MROH1: variants seen among roughly 807,000 people sequenced by gnomAD.
MROH1 encodes maestro heat like repeat family member 1, also known as maestro heat-like repeat-containing protein family member 1.
A neutral mutation model predicts 116.5 loss-of-function variants in MROH1; 117 were observed. That is an observed-to-expected ratio of 1.00 (90% CI 0.86 to 1.17). The LOEUF (loss-of-function observed/expected upper bound fraction) is 1.17. Among genes scored for constraint, MROH1 ranks in the 50% most tolerant of loss-of-function variants. MROH1 has a pLI of 0.00. For synonymous variants in MROH1, 921 were observed against 583.9 expected (o/e 1.58, Z -8.32); for missense variants, 1,873 against 1,338.5 (o/e 1.40, Z -6.23).
intron 33 of MROH1, among the ~76,000 whole-genome samples, chr8:144,253,073 GA>G (rs1363096367): frequency 6.6e-6 from 1 of 151,586 alleles, no homozygotes; most frequent in African/African-American, 2.4e-5. Flanking sequence ...AGAATCGCTT[GA>G]ACCTGGGAGG....
At position 144,253,555 on chromosome 8, in the gene MROH1, G is replaced by A. The variant is rs969221867; in HGVS notation, c.3429-1258G>A. On this transcript the variant is annotated intron_variant, in intron 33 of 43. Transcript: ENST00000326134. ...TCCTGGCGCCTCAGCGACGGCCACC[G>A]CGTCCTTGCTGGCGCGTGCTGTGTG... Among the ~76,000 whole-genome samples the A allele has an allele frequency of 1.3e-4, 20 of 152,318 alleles. No homozygotes were observed. The South Asian group carries it at 2.7e-3, about 21-fold the overall frequency.
intron 4 of MROH1, among the ~76,000 whole-genome samples, chr8:144,172,322 A>T (rs931633312): frequency 6.6e-6 from 1 of 152,102 alleles, no homozygotes; most frequent in Non-Finnish European, 1.5e-5. Context: ...CATCTACGTA[A>T]CAAGAACCTT....
intron 1 of MROH1, chr8:144,148,971 T>C (rs1816083969): frequency 6.6e-6 from 1 of 152,228 alleles, no homozygotes; most frequent in Non-Finnish European, 1.5e-5. Context: ...AGGGACCACT[T>C]TGGAAGGGGA....
chr8:144,210,169 T>C (rs1185437279), intron 12 of MROH1, among the ~76,000 whole-genome samples: 1 of 152,156 alleles, frequency 6.6e-6, no homozygotes, highest in Non-Finnish European at 1.5e-5. Context: ...CCGGGTGCGG[T>C]GGCTCACACC....
At chr8:144,202,668 G>A (rs534082467) in intron 12 of MROH1, among the ~76,000 whole-genome samples, 222 of 130,570 alleles carry the variant, frequency 1.7e-3, no homozygotes, top group African/African-American at 6.2e-3. Flanking sequence ...CGGGGAGGGG[G>A]AGCACCCGCT....
At chr8:144,157,028 T>C (rs1818323580) in intron 1 of MROH1, among the ~76,000 whole-genome samples, 1 of 152,096 alleles carries the variant, frequency 6.6e-6, no homozygotes, top group Non-Finnish European at 1.5e-5. Context: ...TGATCTCGGC[T>C]CACTGCAACC....
At position 144,256,441 on chromosome 8, in the gene MROH1, G is replaced by A. The variant is rs899066505; in HGVS notation, c.3791+736G>A. ...GCCAGGACACACCAGGGGGACAGCC[G>A]CACTTCAGCCCCCTCCCCCTGCCCC... On this transcript the variant is annotated intron_variant, in intron 35 of 43. Transcript: ENST00000326134. Among the ~76,000 whole-genome samples, 445 of 144,816 alleles carry A rather than the reference G, an allele frequency of 3.1e-3. 3 individuals are homozygous for A. The highest frequency in any genetic ancestry group is 0.011 in the Middle Eastern group (3 of 284).
chr8:144,195,233 GGCTC>G (rs1375632080), intron 10 of MROH1, among the ~76,000 whole-genome samples: 1 of 68,602 alleles, frequency 1.5e-5, no homozygotes, highest in African/African-American at 4.2e-5. Flanking sequence ...CGAGTGCCAT[GGCTC>G]ATGCCTGTAA....
At position 144,258,925 on chromosome 8, in the gene MROH1, C is replaced by A; in HGVS notation, c.3929+11C>A. 1 of 732,654 alleles carries A rather than the reference C, an allele frequency of 1.4e-6. No homozygotes were observed. The highest frequency in any genetic ancestry group is 2.5e-6 in the Non-Finnish European group (1 of 394,598). The allele number at this position is 732,654 out of a possible 1,614,324, so 45.4% of individuals were successfully genotyped here. A position where few individuals can be genotyped will look rare whatever the true frequency, so the allele number is the denominator to read the frequency against. ...CACCAGGTTGGCCAGGTGAGCGGGCCCAGCCCACTGCAGCTCCAGCACTGG... is the reference window on the plus strand; with the variant it reads ...CACCAGGTTGGCCAGGTGAGCGGGCACAGCCCACTGCAGCTCCAGCACTGG... On this transcript the variant is annotated intron_variant, in intron 36 of 43. Coordinates refer to ENST00000326134, the MANE Select transcript of MROH1 (RefSeq NM_032450.3).
At position 144,182,694 on chromosome 8, in the gene MROH1, C is replaced by A. The variant is rs1226806445; in HGVS notation, c.562+2171C>A. 6.6e-6 allele frequency among the ~76,000 whole-genome samples: 1 copy of A among 152,124 alleles called. No individual in the cohort carries two copies. Among genetic ancestry groups the A allele is most frequent in the African/African-American group, 2.4e-5 (1 of 41,426 alleles). On this transcript the variant is annotated intron_variant, in intron 7 of 43. Coordinates refer to ENST00000326134, the MANE Select transcript of MROH1 (RefSeq NM_032450.3). This position sits in a 1 kb window ranked among gnomAD's most constrained non-coding sequence, Gnocchi z 4.1. ...AGTAGGAGAGAAAGAGAAGAATGAA[C>A]TAGCAGGCTGAACCCTGAAGCCAGC...
At position 144,182,057 on chromosome 8, in the gene MROH1, C is replaced by T. The variant is rs1825851310; in HGVS notation, c.562+1534C>T. On this transcript the variant is annotated intron_variant, in intron 7 of 43. Transcript: ENST00000326134. This position sits in a 1 kb window ranked among gnomAD's most constrained non-coding sequence, Gnocchi z 4.1. ...CCTCCTCGTGTGGGACGTGTGCTCC[C>T]CACCACAAATGGAACGTTCCCTGTT... 6.6e-6 allele frequency among the ~76,000 whole-genome samples: 1 copy of T among 152,238 alleles called. No homozygotes were observed. Among genetic ancestry groups the T allele is most frequent in the Admixed American group, 6.5e-5 (1 of 15,280 alleles).
chr8:144,209,044 T>C (rs1452686888), intron 12 of MROH1, among the ~76,000 whole-genome samples: 1 of 55,720 alleles, frequency 1.8e-5, no homozygotes, highest in East Asian at 2.1e-3. Flanking sequence ...TGTGTGTGTG[T>C]GTGTGTGTGT....
At chr8:144,155,664 G>C (rs1466200679) in intron 1 of MROH1, among the ~76,000 whole-genome samples, 2 of 146,120 alleles carry the variant, frequency 1.4e-5, no homozygotes, top group African/African-American at 5.1e-5. Context: ...TTTTGAGATG[G>C]AGTCTTGCTT....
intron 1 of MROH1, among the ~76,000 whole-genome samples, chr8:144,148,329 C>T (rs1437326071): frequency 6.6e-6 from 1 of 152,156 alleles, no homozygotes; most frequent in Non-Finnish European, 1.5e-5. Context: ...CTCTGCGCCG[C>T]TAAGTCGTCT....
intron 1 of MROH1, among the ~76,000 whole-genome samples, chr8:144,160,013 C>T (rs1186890604): frequency 6.6e-6 from 1 of 152,132 alleles, no homozygotes; most frequent in Non-Finnish European, 1.5e-5. Flanking sequence ...TCATGATCCA[C>T]CCGCCTCGGC....
chr8:144,208,005 G>T (rs1486219894), intron 12 of MROH1, among the ~76,000 whole-genome samples: 1 of 151,110 alleles, frequency 6.6e-6, no homozygotes, highest in Admixed American at 6.6e-5. Context: ...GAGTGCAGTG[G>T]TGCGATCTCA....
chr8:144,258,177 G>A (rs1198155919), intron 35 of MROH1, among the ~76,000 whole-genome samples: 13 of 152,220 alleles, frequency 8.5e-5, no homozygotes, highest in African/African-American at 2.7e-4. Context: ...AGGGCAAGGT[G>A]CTTGCCTGGT....
intron 22 of MROH1, among the ~76,000 whole-genome samples, 178 bp downstream of exon 22, chr8:144,241,695 G>A (rs1410045316): frequency 5.3e-5 from 8 of 152,232 alleles, no homozygotes; most frequent in African/African-American, 1.7e-4. Flanking sequence ...TGGGGAGGGC[G>A]GCAGAATGGC....
intron 1 of MROH1, among the ~76,000 whole-genome samples, chr8:144,158,643 G>C (rs1818751393): frequency 6.6e-6 from 1 of 151,812 alleles, no homozygotes; most frequent in African/African-American, 2.4e-5. Flanking sequence ...AAATAGTTTT[G>C]AAACTCCTGG....
Sources: allele counts gnomAD v4.1 joint callset (sites outside exome capture counted in the v4.1 genomes callset), GRCh38; gene constraint gnomAD v4.1.1; non-coding constraint Gnocchi (gnomAD v3.1); transcripts MANE v1.5; gene names NCBI Gene and HGNC (gene_info 2026-07-23, HGNC 2026-07-21).